SLC2A9: variants seen among roughly 807,000 people sequenced by gnomAD.
The protein encoded by SLC2A9 is solute carrier family 2, facilitated glucose transporter member 9.
A neutral mutation model predicts 50.6 loss-of-function variants in SLC2A9; 39 were observed. That is an observed-to-expected ratio of 0.77 (90% confidence interval 0.60 to 1.01). The LOEUF (loss-of-function observed/expected upper bound fraction) is 1.01. SLC2A9 is among the 50% of genes least tolerant of loss of function. SLC2A9 has a pLI of 0.00. For synonymous variants in SLC2A9, 324 were observed against 276.9 expected (o/e 1.17, Z -1.69); for missense variants, 686 against 677.6 (o/e 1.01, Z -0.14).
intron 5 of SLC2A9, among the ~76,000 whole-genome samples, chr4:9,974,974 T>A (rs1320241874): frequency 6.6e-6 from 1 of 152,196 alleles, no homozygotes; most frequent in Non-Finnish European, 1.5e-5. Flanking sequence ...ATCTGATCTT[T>A]GACAAAGTTG....
chr4:9,879,477 G>T (rs1273770109), intron 10 of SLC2A9: 11 of 985,162 alleles, frequency 1.1e-5, no homozygotes, highest in Non-Finnish European at 1.2e-5. Flanking sequence ...GGATAGAGAG[G>T]GAGGGCAGGC....
chr4:9,823,666 C>A (rs111271664), downstream of SLC2A9, among the ~76,000 whole-genome samples: 12 of 151,988 alleles, frequency 7.9e-5, no homozygotes, highest in Admixed American at 5.2e-4. Flanking sequence ...GAAAGAATAC[C>A]CCCTAGATTT....
chr4:9,951,159 A>T (rs1425027978), intron 5 of SLC2A9, among the ~76,000 whole-genome samples: 1 of 152,220 alleles, frequency 6.6e-6, no homozygotes, highest in Non-Finnish European at 1.5e-5. Flanking sequence ...TTTAGCCATT[A>T]AAAAGAATGA....
Position 9,867,824 on chromosome 4 carries a change from C to T in SLC2A9, c.1291+19743G>A, listed in dbSNP as rs79127815. Among the ~76,000 whole-genome samples, 236 of 152,288 alleles carry T rather than the reference C, an allele frequency of 1.5e-3. 1 individual carries two copies. The highest frequency in any genetic ancestry group is 5.4e-3 in the African/African-American group (224 of 41,550). ...ATATTCCTGAGATCTAATGGACTGC[C>T]CCCCTATGCAGGGGACTAAACATTA... On this transcript the variant is annotated intron_variant, in intron 10 of 11. Coordinates refer to ENST00000264784, the MANE Select transcript of SLC2A9 (RefSeq NM_020041.3).
rs1481986722 is a variant in SLC2A9, at chr4:9,995,812, T to A, written c.410+969A>T. 5 of 152,318 alleles carry A rather than the reference T, an allele frequency of 3.3e-5. No individual in the cohort carries two copies. In the East Asian group the frequency reaches 9.6e-4, roughly 29 times the overall value. 9.4% of individuals were successfully genotyped at this position (152,318 alleles called of 1,614,324 possible). On this transcript the variant is annotated intron_variant, in intron 3 of 11. Coordinates refer to ENST00000264784, the MANE Select transcript of SLC2A9 (RefSeq NM_020041.3). ...ACAGATAAGAAAATTGAGGCTCAAA[T>A]AAATTAAATGATTTGGCCAAGGGCA...
chr4:9,921,858 A>T (rs1744011991), intron 6 of SLC2A9, among the ~76,000 whole-genome samples: 1 of 152,206 alleles, frequency 6.6e-6, no homozygotes, highest in Admixed American at 6.5e-5. Context: ...GGGGTAGAAA[A>T]CTATTTCTTT....
At chr4:9,860,116 C>A (rs1731373288) in intron 10 of SLC2A9, among the ~76,000 whole-genome samples, 1 of 152,184 alleles carries the variant, frequency 6.6e-6, no homozygotes, top group African/African-American at 2.4e-5. Flanking sequence ...ATGGCACCTG[C>A]TATCTCTCTG....
At chr4:10,033,045 G>T (rs145365371) in intron 1 of SLC2A9, among the ~76,000 whole-genome samples, 11 of 152,172 alleles carry the variant, frequency 7.2e-5, no homozygotes, top group African/African-American at 2.2e-4. Flanking sequence ...CCACCTATGT[G>T]CAGACTCCTC....
At chr4:9,804,562 A>C (rs1020324937) in intron 3 of SLC2A9, among the ~76,000 whole-genome samples, 2 of 152,142 alleles carry the variant, frequency 1.3e-5, no homozygotes, top group Non-Finnish European at 2.9e-5. Flanking sequence ...ATGCCAGGCA[A>C]GTTACCTGCC....
At chr4:9,918,903 G>T (rs1159530035) in intron 7 of SLC2A9, among the ~76,000 whole-genome samples, 1 of 152,154 alleles carries the variant, frequency 6.6e-6, no homozygotes, top group African/African-American at 2.4e-5. Flanking sequence ...CCTCATGACT[G>T]CTGGCTTTGG....
chr4:10,011,340 T>C (rs957729598), intron 2 of SLC2A9, among the ~76,000 whole-genome samples: 1 of 152,040 alleles, frequency 6.6e-6, no homozygotes, highest in Non-Finnish European at 1.5e-5. Context: ...AACCCCCCAC[T>C]CCAGTCTGTG....
intron 2 of SLC2A9, among the ~76,000 whole-genome samples, chr4:10,004,930 G>A (rs1760505700): frequency 6.6e-6 from 1 of 152,150 alleles, no homozygotes; most frequent in Non-Finnish European, 1.5e-5. Context: ...GCCTGCTTTG[G>A]GACATCTCAC....
intron 3 of SLC2A9, among the ~76,000 whole-genome samples, chr4:9,786,781 G>A (rs952844610): frequency 1.3e-5 from 2 of 152,166 alleles, no homozygotes; most frequent in Non-Finnish European, 2.9e-5. Flanking sequence ...TTAAATGAGG[G>A]AACTTTGCAC....
chr4:9,879,970 T>C, intron 10 of SLC2A9: 1 of 985,486 alleles, frequency 1.0e-6, no homozygotes, highest in African/African-American at 1.7e-5. Flanking sequence ...TACATCGACC[T>C]GTTCCTCACA....
intron 9 of SLC2A9, among the ~76,000 whole-genome samples, chr4:9,889,003 G>C (rs1330166364): frequency 2.6e-5 from 4 of 152,158 alleles, no homozygotes; most frequent in Non-Finnish European, 4.4e-5. Context: ...TATGGTTCAT[G>C]CCAGGCCCTT....
At chr4:9,993,665 G>A (rs1758096396) in intron 3 of SLC2A9, among the ~76,000 whole-genome samples, 2 of 152,032 alleles carry the variant, frequency 1.3e-5, no homozygotes, top group African/African-American at 4.8e-5. Flanking sequence ...GTCTCATGAG[G>A]GAAGGAGGGT....
chr4:9,835,094 AC>A lies in SLC2A9; in HGVS notation c.1292-87del, dbSNP rs1180693638. ...CCATCTCCATCTGCCACACTTTAGAACCCCCCCACCCCTGCCCCTTGACTGG... is the reference window on the plus strand; with the variant it reads ...CCATCTCCATCTGCCACACTTTAGAACCCCCCACCCCTGCCCCTTGACTGG... On this transcript the variant is annotated intron_variant, in intron 10 of 11. Coordinates refer to ENST00000264784, the MANE Select transcript of SLC2A9 (RefSeq NM_020041.3). The A allele has an allele frequency of 8.2e-6, 13 of 1,586,640 alleles. No homozygotes were observed. In the African/African-American group the frequency reaches 1.1e-4, roughly 13 times the overall value.
intron 5 of SLC2A9, among the ~76,000 whole-genome samples, chr4:9,958,306 A>T (rs1042542227): frequency 6.6e-6 from 1 of 152,220 alleles, no homozygotes; most frequent in African/African-American, 2.4e-5. Flanking sequence ...CAAGAAAATA[A>T]ACCAAGAAAA....
intron 10 of SLC2A9, among the ~76,000 whole-genome samples, chr4:9,859,024 T>C (rs1443913332): frequency 6.6e-6 from 1 of 152,188 alleles, no homozygotes. Context: ...CACCAGTGGT[T>C]TGCCAGGGAC....
Sources: gnomAD v4.1 joint callset for allele counts (sites outside exome capture counted in the v4.1 genomes callset) on GRCh38, gnomAD v4.1.1 for gene constraint, MANE v1.5 for transcripts, NCBI Gene and HGNC (gene_info 2026-07-23, HGNC 2026-07-21) for gene names.